EXOC4: variants seen among roughly 807,000 people sequenced by gnomAD.
EXOC4 encodes exocyst complex component 4.
EXOC4 carries 71 observed loss-of-function variants against 107.2 expected under a neutral mutation model. The ratio of observed to expected loss-of-function variants is 0.66; its 90% CI spans 0.55 to 0.81. The LOEUF (loss-of-function observed/expected upper bound fraction) is 0.81. Ranked by LOEUF, EXOC4 falls within the 30% of genes least tolerant of loss-of-function variation. The pLI is 0.00. For missense variants in EXOC4, 1,108 were observed against 1,189.6 expected (o/e 0.93, Z 1.01); for synonymous variants, 456 against 441.2 (o/e 1.03, Z -0.42).
At chr7:133,376,363 G>A (rs759855198) in intron 7 of EXOC4, among the ~76,000 whole-genome samples, 4 of 152,088 alleles carry the variant, frequency 2.6e-5, no homozygotes, top group Admixed American at 1.3e-4. Context: ...ATGTTTATCC[G>A]TCTTATGTAA....
At chr7:133,397,124 G>GTTTTCTTTTC (rs10656652) in intron 7 of EXOC4, among the ~76,000 whole-genome samples, 1 of 147,548 alleles carries the variant, frequency 6.8e-6, no homozygotes, top group Non-Finnish European at 1.5e-5. Context: ...GTTTCATTTG[G>GTTTTCTTTTC]TTTTCTTTTC....
chr7:133,746,882 TTCTCTTTTCTAAAGAGGG>T (rs2151134121), intron 10 of EXOC4, among the ~76,000 whole-genome samples: 1 of 152,278 alleles, frequency 6.6e-6, no homozygotes, highest in Admixed American at 6.5e-5. Context: ...GGGCAGCGTT[TTCTCTTTTCTAAAGAGGG>T]TCTCACTGAA....
At chr7:133,522,850 G>T (rs564267116) in intron 9 of EXOC4, among the ~76,000 whole-genome samples, 130 of 152,200 alleles carry the variant, frequency 8.5e-4, no homozygotes, top group African/African-American at 2.9e-3. Context: ...AATGAAATGG[G>T]AGCCTACATT....
At chr7:133,539,687 T>G (rs541291791) in intron 9 of EXOC4, among the ~76,000 whole-genome samples, 1 of 152,246 alleles carries the variant, frequency 6.6e-6, no homozygotes, top group Non-Finnish European at 1.5e-5. Context: ...TTCCTTTTTT[T>G]GTGTGACTTA....
At chr7:133,255,778 G>C (rs1795002370) in intron 1 of EXOC4, among the ~76,000 whole-genome samples, 1 of 152,184 alleles carries the variant, frequency 6.6e-6, no homozygotes, top group Non-Finnish European at 1.5e-5. Flanking sequence ...TTTATAAACA[G>C]TGGTAGTGAA....
At chr7:134,036,169 A>C (rs961251576) in intron 17 of EXOC4, among the ~76,000 whole-genome samples, 1 of 152,230 alleles carries the variant, frequency 6.6e-6, no homozygotes, top group Non-Finnish European at 1.5e-5. Context: ...CCCCTGTATG[A>C]GTTTAATGAC....
intron 9 of EXOC4, among the ~76,000 whole-genome samples, chr7:133,606,346 T>G (rs1233158262): frequency 2.0e-5 from 3 of 152,034 alleles, no homozygotes; most frequent in Non-Finnish European, 4.4e-5. Context: ...TCTGTTTCCT[T>G]CCAGTGTGCA....
chr7:133,498,193 T>C (rs1438933671), intron 9 of EXOC4, among the ~76,000 whole-genome samples: 1 of 152,188 alleles, frequency 6.6e-6, no homozygotes, highest in Non-Finnish European at 1.5e-5. Context: ...CTGAAAGGCA[T>C]CCTTGACTCC....
chr7:134,091,443 T>A, the EXOC4 span, among the ~76,000 whole-genome samples: 1 of 152,160 alleles, frequency 6.6e-6, no homozygotes, highest in East Asian at 1.9e-4. Context: ...TTTGGTAGGT[T>A]TTAGTCGGCT....
At chr7:133,343,405 C>G (rs1368605864) in intron 5 of EXOC4, among the ~76,000 whole-genome samples, 3 of 151,904 alleles carry the variant, frequency 2.0e-5, no homozygotes, top group African/African-American at 7.3e-5. Context: ...GGTCTCTCAG[C>G]CAGCACTTGC....
intron 10 of EXOC4, among the ~76,000 whole-genome samples, chr7:133,693,664 TA>T (rs1367673997): frequency 4.6e-5 from 7 of 151,800 alleles, no homozygotes; most frequent in African/African-American, 7.3e-5. Flanking sequence ...TTTAAATCAA[TA>T]AAAAAAATAT....
intron 11 of EXOC4, among the ~76,000 whole-genome samples, chr7:133,853,362 AC>A (rs1798279015): frequency 1.8e-5 from 2 of 111,796 alleles, no homozygotes; most frequent in South Asian, 2.6e-4. Flanking sequence ...ACACACACAC[AC>A]ACACACACAC....
At chr7:133,261,825 G>A (rs925060709) in intron 1 of EXOC4, among the ~76,000 whole-genome samples, 34 of 152,122 alleles carry the variant, frequency 2.2e-4, no homozygotes, top group African/African-American at 4.8e-5. Context: ...CTGGGGGATA[G>A]GCACTATTTC....
intron 10 of EXOC4, among the ~76,000 whole-genome samples, chr7:133,640,025 C>A (rs2151023786): frequency 6.6e-6 from 1 of 152,126 alleles, no homozygotes; most frequent in African/African-American, 2.4e-5. Context: ...TTTTATTGAG[C>A]TATACATACA....
rs181351597 is a variant in EXOC4 at position 133,960,351 on chromosome 7, A to T, written c.2206+22282A>T. On this transcript the variant is annotated intron_variant, in intron 14 of 17. Transcript: ENST00000253861. ...CTTTCCTGGTTTTGGTATTAGGGTG[A>T]TAGATACTGGCTTCATAGAATGATT... 1.2e-4 allele frequency among the ~76,000 whole-genome samples: 19 copies of T among 152,244 alleles called. 1 individual carries two copies. The highest frequency in any genetic ancestry group is 3.4e-4 in the African/African-American group (14 of 41,544).
chr7:133,901,611 A>T (rs942988597), intron 12 of EXOC4, among the ~76,000 whole-genome samples: 17 of 152,200 alleles, frequency 1.1e-4, no homozygotes, highest in African/African-American at 4.1e-4. Flanking sequence ...AAAAATTGTC[A>T]ATCTTTTATA....
At chr7:133,467,580 G>A (rs2150835518) in intron 7 of EXOC4, among the ~76,000 whole-genome samples, 1 of 135,476 alleles carries the variant, frequency 7.4e-6, no homozygotes, top group Admixed American at 7.2e-5. Flanking sequence ...TGTCATTACA[G>A]ATTCTTTTTT....
At chr7:133,340,787 C>T (rs1394991152) in intron 5 of EXOC4, among the ~76,000 whole-genome samples, 1 of 152,008 alleles carries the variant, frequency 6.6e-6, no homozygotes, top group Non-Finnish European at 1.5e-5. Flanking sequence ...TTATCCATCT[C>T]CTGTAGGTTT....
chr7:133,518,531 A>G (rs1207023982), intron 9 of EXOC4, among the ~76,000 whole-genome samples: 3 of 152,112 alleles, frequency 2.0e-5, no homozygotes, highest in South Asian at 4.1e-4. Context: ...ACTCAAACAG[A>G]TATTTTATAC....
Sources: allele counts gnomAD v4.1 joint callset (sites outside exome capture counted in the v4.1 genomes callset), GRCh38; gene constraint gnomAD v4.1.1; transcripts MANE v1.5; gene names NCBI Gene and HGNC (gene_info 2026-07-23, HGNC 2026-07-21).